Variants in GABBR2 observed in about 807,000 individuals in gnomAD.
The protein encoded by GABBR2 is G-protein coupled receptor 51.
In GABBR2, 23 loss-of-function variants were observed where a neutral mutation model predicts 105.6. The ratio of observed to expected loss-of-function variants is 0.22; its 90% CI spans 0.16 to 0.31. The LOEUF (loss-of-function observed/expected upper bound fraction) is 0.31, where lower values mean the gene tolerates loss of function less well. GABBR2 is among the 10% of genes least tolerant of loss of function. The probability of loss-of-function intolerance (pLI) is 1.00; values close to 1 mark genes in which losing one functional copy is unlikely to be tolerated. For synonymous variants in GABBR2, 478 were observed against 499.7 expected (o/e 0.96, Z 0.58); for missense variants, 734 against 1,245.5 (o/e 0.59, Z 6.18).
intron 1 of GABBR2, among the ~76,000 whole-genome samples, chr9:98,695,391 A>G (rs1245653035): frequency 2.0e-5 from 3 of 152,194 alleles, no homozygotes; most frequent in Non-Finnish European, 2.9e-5. Flanking sequence ...CACTGGAGAC[A>G]CCAGCCCCAA....
rs1221945220 is a variant in GABBR2 at position 98,289,083 on chromosome 9, C to T, written c.*1501G>A. The T allele has an allele frequency of 1.3e-5, 2 of 152,610 alleles. No homozygotes were observed. Among genetic ancestry groups the T allele is most frequent in the African/African-American group, 2.4e-5 (1 of 41,426 alleles). 9.5% of individuals were successfully genotyped at this position (152,610 alleles called of 1,614,324 possible). ...AGTCACTGGGAGCCTCCCTCCAGCC[C>T]GGATGTTCTGGGTAGAGGGCTGTGC... On this transcript the variant is annotated 3_prime_UTR_variant, in exon 19 of 19. Transcript: ENST00000259455.
chr9:98,365,923 T>C (rs534023754), intron 12 of GABBR2, among the ~76,000 whole-genome samples: 19 of 152,354 alleles, frequency 1.2e-4, no homozygotes, highest in Middle Eastern at 3.4e-3. Context: ...TTCTCTTAAA[T>C]GCTGCCTGAA....
Position 98,502,116 on chromosome 9 carries a change from C to T in GABBR2, c.631-5602G>A, listed in dbSNP as rs1663972506. Among the ~76,000 whole-genome samples, 4 of 152,026 alleles carry T rather than the reference C, an allele frequency of 2.6e-5. 1 individual carries two copies. In the South Asian group the frequency reaches 8.3e-4, roughly 32 times the overall value. On this transcript the variant is annotated intron_variant, in intron 3 of 18. Transcript: ENST00000259455. ...CATGGGAGTGCAGTCTTTATCCATG[C>T]CTGCAAGACATAGGGGGAGAAGGGG...
chr9:98,490,747 T>C (rs1356513535), intron 4 of GABBR2, among the ~76,000 whole-genome samples: 1 of 152,098 alleles, frequency 6.6e-6, no homozygotes, highest in Non-Finnish European at 1.5e-5. Context: ...GAAAGGGAAA[T>C]GTGACACCTG....
intron 11 of GABBR2, among the ~76,000 whole-genome samples, chr9:98,376,451 G>A (rs901035067): frequency 6.6e-6 from 1 of 152,272 alleles, no homozygotes; most frequent in Middle Eastern, 3.4e-3. Context: ...CTTTCCTGCT[G>A]TCCAAAAGGT....
intron 8 of GABBR2, among the ~76,000 whole-genome samples, chr9:98,402,365 C>G (rs1317205744): frequency 6.6e-6 from 1 of 152,136 alleles, no homozygotes; most frequent in Non-Finnish European, 1.5e-5. Flanking sequence ...TAGTATTCAT[C>G]CTCATCTACA....
rs192819582 is a variant in GABBR2 at position 98,389,133 on chromosome 9, C to T, written c.1379-129G>A. ...CTCTACACAAGGCACATCTATCTAC[C>T]GGGTGAGCCAGATCCGGTGGTTGGC... On this transcript the variant is annotated intron_variant, in intron 9 of 18. Transcript: ENST00000259455. 5.3e-5 allele frequency: 38 copies of T among 716,406 alleles called. No individual in the cohort carries two copies. In the East Asian group the frequency reaches 6.5e-4, roughly 12 times the overall value. 44.4% of individuals were successfully genotyped at this position (716,406 alleles called of 1,614,324 possible).
At chr9:98,562,437 C>T (rs1347925156) in intron 2 of GABBR2, among the ~76,000 whole-genome samples, 2 of 152,122 alleles carry the variant, frequency 1.3e-5, no homozygotes, top group African/African-American at 2.4e-5. Flanking sequence ...TATTGTATCA[C>T]TGTTAAATTT....
chr9:98,495,431 G>A (rs1827257648), intron 4 of GABBR2, among the ~76,000 whole-genome samples: 1 of 152,222 alleles, frequency 6.6e-6, no homozygotes, highest in Non-Finnish European at 1.5e-5. Context: ...GAATGGAGGA[G>A]AGGGAAAGAG....
At chr9:98,347,039 T>C (rs1048528999) in intron 13 of GABBR2, among the ~76,000 whole-genome samples, 1 of 152,180 alleles carries the variant, frequency 6.6e-6, no homozygotes, top group Non-Finnish European at 1.5e-5. Flanking sequence ...GCAATAAATA[T>C]AGGGGTGCAA....
Position 98,708,443 on chromosome 9 carries a change from G to T in GABBR2, c.295C>A (p.Leu99Ile). 6.5e-7 allele frequency: 1 copy of T among 1,548,602 alleles called. No homozygotes were observed. Among genetic ancestry groups the T allele is most frequent in the Non-Finnish European group, 8.8e-7 (1 of 1,142,588 alleles). The change falls in exon 1 of 19, where the codon CTC becomes ATC. Residue 99 changes from leucine to isoleucine, a missense_variant. Leu to Ile is a conservative substitution (Grantham distance 5, BLOSUM62 2). Transcript: ENST00000259455. Reference protein sequence around the residue: ...RNESLLRPYFLDLRLYDTECD... With the variant: ...RNESLLRPYFIDLRLYDTECD... Reference sequence around the variant, plus strand: ...TCCGTGTCATAGAGCCGCAGGTCGAGGAAGTAGGGGCGCAGGAGTGACTCG... The same window carrying T: ...TCCGTGTCATAGAGCCGCAGGTCGATGAAGTAGGGGCGCAGGAGTGACTCG...
intron 3 of GABBR2, among the ~76,000 whole-genome samples, chr9:98,497,428 A>T (rs528971916): frequency 6.4e-5 from 4 of 62,260 alleles, no homozygotes; most frequent in South Asian, 4.4e-4. Context: ...ATTTTGAATT[A>T]AAAAAAAAAG....
intron 13 of GABBR2, among the ~76,000 whole-genome samples, chr9:98,332,071 T>A (rs16914943): frequency 6.6e-6 from 1 of 152,080 alleles, no homozygotes; most frequent in Admixed American, 6.5e-5. Context: ...GCATGGGGTA[T>A]GAAGGAGCCG....
intron 6 of GABBR2, among the ~76,000 whole-genome samples, chr9:98,463,754 G>A (rs1826476062): frequency 6.6e-6 from 1 of 151,998 alleles, no homozygotes; most frequent in African/African-American, 2.4e-5. Flanking sequence ...TCCTGCCTCG[G>A]CCTGCCTAGT....
chr9:98,430,603 A>C (rs1010766823), intron 7 of GABBR2, among the ~76,000 whole-genome samples: 9 of 152,114 alleles, frequency 5.9e-5, no homozygotes, highest in Admixed American at 5.9e-4. Flanking sequence ...CCCTGGTCTC[A>C]AGTGCTTTCC....
At chr9:98,701,613 TTAAGCTCCA>T (rs1830830739) in intron 1 of GABBR2, among the ~76,000 whole-genome samples, 7 of 152,146 alleles carry the variant, frequency 4.6e-5, no homozygotes, top group African/African-American at 1.7e-4. Context: ...AGGCTGCTCA[TTAAGCTCCA>T]TAAGGCCCTG....
chr9:98,658,853 A>C (rs1439600792), intron 1 of GABBR2, among the ~76,000 whole-genome samples: 1 of 152,200 alleles, frequency 6.6e-6, no homozygotes, highest in Non-Finnish European at 1.5e-5. Flanking sequence ...CCTTATCTGG[A>C]ACGAATGAGA....
intron 2 of GABBR2, 41 bp downstream of exon 2, chr9:98,577,894 C>T (rs1456657121): frequency 1.3e-6 from 2 of 1,570,872 alleles, no homozygotes; most frequent in Non-Finnish European, 1.7e-6. Flanking sequence ...GAGGGCCAAC[C>T]AAAGACACCT....
chr9:98,577,228 A>ATGGTTAGGCGAATGGAGG (rs769775744), intron 2 of GABBR2, among the ~76,000 whole-genome samples: 1 of 151,126 alleles, frequency 6.6e-6, no homozygotes, highest in African/African-American at 2.4e-5. Flanking sequence ...GGATGGATGG[A>ATGGTTAGGCGAATGGAGG]GCAAAAAAGT....
Sources: gnomAD v4.1 joint callset for allele counts (sites outside exome capture counted in the v4.1 genomes callset) on GRCh38, gnomAD v4.1.1 for gene constraint, MANE v1.5 for transcripts, NCBI Gene and HGNC (gene_info 2026-07-23, HGNC 2026-07-21) for gene names.